The following ALKBH8 variants were observed in gnomAD, a reference collection of about 807,000 sequenced individuals.
The protein encoded by ALKBH8 is alkB homolog 8, tRNA methyltransferase.
In ALKBH8, 36 loss-of-function variants were observed where a neutral mutation model predicts 59.8. The ratio of observed to expected loss-of-function variants is 0.60; its 90% CI spans 0.46 to 0.79. The LOEUF (loss-of-function observed/expected upper bound fraction) is 0.79, where lower values mean the gene tolerates loss of function less well. Ranked by LOEUF, ALKBH8 falls within the 30% of genes least tolerant of loss-of-function variation. The probability of loss-of-function intolerance (pLI) is 0.00; values close to 1 mark genes in which losing one functional copy is unlikely to be tolerated. For synonymous variants in ALKBH8, 276 were observed against 273.6 expected (o/e 1.01, Z -0.09); for missense variants, 768 against 801.0 (o/e 0.96, Z 0.50).
intron 1 of ALKBH8, among the ~76,000 whole-genome samples, 189 bp from the exon 2 acceptor site, chr11:107,561,088 T>C (rs1864918829): frequency 6.6e-6 from 1 of 152,214 alleles, no homozygotes; most frequent in Non-Finnish European, 1.5e-5. Context: ...TATCTAAGAA[T>C]ATCTAATAGC....
At chr11:107,512,205 A>G (rs1471263941) in intron 10 of ALKBH8, among the ~76,000 whole-genome samples, 2 of 136,712 alleles carry the variant, frequency 1.5e-5, no homozygotes, top group Admixed American at 8.3e-5. Context: ...TCACATATAT[A>G]TGTAATATAC....
rs940830316 is a variant in ALKBH8 at position 107,505,163 on chromosome 11, C to G, written c.1490G>C (p.Gly497Ala). 6.4e-7 allele frequency: 1 copy of G among 1,550,784 alleles called. No homozygotes were observed. Among genetic ancestry groups the G allele is most frequent in the Admixed American group, 2.0e-5 (1 of 50,944 alleles). The change falls in exon 12 of 12, where the codon GGG (glycine) becomes GCG (alanine). Residue 497 changes from glycine (G) to alanine (A), a missense_variant. By Grantham distance (60) the Gly-to-Ala change is moderately conservative (BLOSUM62 0). Transcript: ENST00000428149. ...QEIVRLLRPG[G>A]KALIYVWAME... ...TGCCCAGACATAAATGAGTGCCTTC[C>G]CACCTGGTCTCAGGAGTCGAACAAT...
At chr11:107,512,037 TA>T (rs1352336427) in intron 10 of ALKBH8, among the ~76,000 whole-genome samples, 1 of 152,110 alleles carries the variant, frequency 6.6e-6, no homozygotes, top group African/African-American at 2.4e-5. Flanking sequence ...CAGCTAGGAG[TA>T]TGCTTTTCTC....
chr11:107,508,633 G>A (rs1862494610), intron 11 of ALKBH8, among the ~76,000 whole-genome samples: 1 of 152,060 alleles, frequency 6.6e-6, no homozygotes, highest in Non-Finnish European at 1.5e-5. Context: ...ATGCCAAACT[G>A]AAACTCTGTA....
At chr11:107,551,681 C>T (rs959511706) in intron 6 of ALKBH8, 127 bp downstream of exon 6, 79 of 299,310 alleles carry the variant, frequency 2.6e-4, no homozygotes, top group Non-Finnish European at 4.0e-4. Flanking sequence ...GCAACAAGAG[C>T]GAAACTCCAT....
At chr11:107,562,624 T>C (rs1864981720) in intron 1 of ALKBH8, 2 of 152,228 alleles carry the variant, frequency 1.3e-5, no homozygotes, top group Admixed American at 6.5e-5. Context: ...TAATTACTAA[T>C]CTTTAGTATA....
At chr11:107,533,851 G>A (rs1044386336) in intron 7 of ALKBH8, among the ~76,000 whole-genome samples, 2 of 152,180 alleles carry the variant, frequency 1.3e-5, no homozygotes, top group Non-Finnish European at 2.9e-5. Flanking sequence ...ATAATTGGCT[G>A]AGCGTGGTGG....
At position 107,503,672 on chromosome 11, in the gene ALKBH8, A is replaced by C. The variant is rs893812352; in HGVS notation, c.*986T>G. ...CTGGATTGGGACAAACTATGAATCA[A>C]CTAGAAATAACCAATAATGACACCA... On this transcript the variant is annotated 3_prime_UTR_variant, in exon 12 of 12. Transcript: ENST00000428149. 6.6e-6 allele frequency: 1 copy of C among 152,162 alleles called. No individual in the cohort carries two copies. Among genetic ancestry groups the C allele is most frequent in the Non-Finnish European group, 1.5e-5 (1 of 68,024 alleles). The allele number at this position is 152,162 out of a possible 1,614,324, so 9.4% of individuals were successfully genotyped here. A position where few individuals can be genotyped will look rare whatever the true frequency, so the allele number is the denominator to read the frequency against.
Position 107,504,500 on chromosome 11 carries a change from G to A in ALKBH8, c.*158C>T. The A allele has an allele frequency of 1.2e-6, 1 of 851,908 alleles. No individual in the cohort carries two copies. The highest frequency in any genetic ancestry group is 1.9e-6 in the Non-Finnish European group (1 of 522,454). 52.8% of individuals were successfully genotyped at this position (851,908 alleles called of 1,614,324 possible). ...TGATGTCAGCCAACAGGAGACATTTGAATGTCTCCTAATGAATCCCTACTT... is the reference window on the plus strand; with the variant it reads ...TGATGTCAGCCAACAGGAGACATTTAAATGTCTCCTAATGAATCCCTACTT... On this transcript the variant is annotated 3_prime_UTR_variant, in exon 12 of 12. Transcript: ENST00000428149.
At chr11:107,553,781 G>A in intron 4 of ALKBH8, 66 bp downstream of exon 4, 1 of 1,520,228 alleles carries the variant, frequency 6.6e-7, no homozygotes, top group East Asian at 2.3e-5. Flanking sequence ...AACCATGAAA[G>A]ACAGAGGAAA....
intron 7 of ALKBH8, among the ~76,000 whole-genome samples, chr11:107,536,771 C>G (rs1367949513): frequency 1.3e-5 from 2 of 152,106 alleles, no homozygotes; most frequent in Non-Finnish European, 2.9e-5. Flanking sequence ...TTTGAGGTTT[C>G]CAACTCCCTC....
At chr11:107,508,946 T>C (rs901637697) in intron 11 of ALKBH8, among the ~76,000 whole-genome samples, 3 of 152,212 alleles carry the variant, frequency 2.0e-5, no homozygotes, top group Non-Finnish European at 4.4e-5. Flanking sequence ...CTTTTGGCTG[T>C]TGTGAATAAT....
At chr11:107,507,132 A>C (rs752202391) in intron 11 of ALKBH8, among the ~76,000 whole-genome samples, 9 of 152,214 alleles carry the variant, frequency 5.9e-5, no homozygotes, top group Non-Finnish European at 1.0e-4. Flanking sequence ...TGTAATTATA[A>C]ACTACATTAT....
intron 10 of ALKBH8, among the ~76,000 whole-genome samples, chr11:107,513,654 G>A (rs1862732868): frequency 6.6e-6 from 1 of 152,160 alleles, no homozygotes; most frequent in Admixed American, 6.5e-5. Flanking sequence ...TGCCCATCAA[G>A]AGTAGACTGG....
At position 107,564,926 on chromosome 11, in the gene ALKBH8, A is replaced by G. The variant is rs914591963; in HGVS notation, c.-7+675T>C. Among the ~76,000 whole-genome samples, 3 of 152,096 alleles carry G rather than the reference A, an allele frequency of 2.0e-5. No homozygotes were observed. In the East Asian group the frequency reaches 5.8e-4, roughly 29 times the overall value. On this transcript the variant is annotated intron_variant, in intron 1 of 11. Transcript: ENST00000428149. Reference sequence around the variant, plus strand: ...AAACCTAAATCGACTTTGCTGTCTTACCTCCTAAACCTCCCCTCCTCCAGA... The same window carrying G: ...AAACCTAAATCGACTTTGCTGTCTTGCCTCCTAAACCTCCCCTCCTCCAGA...
chr11:107,525,027 T>C (rs1863291976), intron 9 of ALKBH8, among the ~76,000 whole-genome samples: 1 of 152,182 alleles, frequency 6.6e-6, no homozygotes, highest in Non-Finnish European at 1.5e-5. Context: ...TAGAGTTATG[T>C]ACTATAGAAC....
chr11:107,540,765 T>A (rs935075548), intron 7 of ALKBH8, among the ~76,000 whole-genome samples: 9 of 152,176 alleles, frequency 5.9e-5, no homozygotes, highest in African/African-American at 1.7e-4. Context: ...TAAAATTAAG[T>A]TTTACTTTAC....
At chr11:107,533,151 G>A (rs1270583651) in intron 7 of ALKBH8, among the ~76,000 whole-genome samples, 2 of 151,978 alleles carry the variant, frequency 1.3e-5, no homozygotes. Context: ...TGTGCCCTAG[G>A]AACCCATCAA....
intron 5 of ALKBH8, among the ~76,000 whole-genome samples, chr11:107,552,594 G>C (rs1864542530): frequency 1.3e-5 from 2 of 152,172 alleles, no homozygotes; most frequent in Non-Finnish European, 2.9e-5. Flanking sequence ...CAACACCACA[G>C]GTTGGGGAAT....
Sources: gnomAD v4.1 joint callset for allele counts (sites outside exome capture counted in the v4.1 genomes callset) on GRCh38, gnomAD v4.1.1 for gene constraint, MANE v1.5 for transcripts, NCBI Gene and HGNC (gene_info 2026-07-23, HGNC 2026-07-21) for gene names.